The following OR8B3 variants were observed in gnomAD, a reference collection of about 807,000 sequenced individuals.
OR8B3 encodes the protein olfactory receptor 8B3.
For missense variants in OR8B3, 278 were observed against 377.6 expected, an observed-to-expected ratio of 0.74 and a Z score of 2.19; for synonymous variants, 102 against 135.4, an observed-to-expected ratio of 0.75 and a Z score of 1.71.
the OR8B3 span, among the ~76,000 whole-genome samples, chr11:124,409,088 G>A: frequency 1.3e-5 from 2 of 150,226 alleles, no homozygotes; most frequent in African/African-American, 2.4e-5. Flanking sequence ...GTAGGGGCTC[G>A]CCTGCCCTGC....
chr11:124,406,669 G>A, the OR8B3 span, among the ~76,000 whole-genome samples: 1 of 151,842 alleles, frequency 6.6e-6, no homozygotes, highest in African/African-American at 2.4e-5. Flanking sequence ...ATCTTGCTCT[G>A]GTCTTTCCTC....
rs765672142 is a variant in OR8B3 at position 124,397,030 on chromosome 11, C to T, written c.322G>A (p.Val108Ile). The T allele has an allele frequency of 1.9e-6, 3 of 1,613,504 alleles. No individual in the cohort carries two copies. Among genetic ancestry groups the T allele is most frequent in the African/African-American group, 2.7e-5 (2 of 74,822 alleles). The stretch of plus-strand genomic sequence containing the variant: ...GTCAACATGTAACATTCAGAGATGA[C>T]AAAAAAGAGAAAGAAAAACAGCTGA... ...MTQLFFFLFF[V>I]ISECYMLTSM... Residue 108 changes from valine to isoleucine, a missense_variant, in exon 2 of 2, where the codon GTC becomes ATC. Coordinates refer to ENST00000641139, the MANE Select transcript of OR8B3 (RefSeq NM_001005467.2).
At chr11:124,403,537 C>A (rs1200529191), upstream of OR8B3, among the ~76,000 whole-genome samples, 1 of 151,136 alleles carries the variant, frequency 6.6e-6, no homozygotes, top group Non-Finnish European at 1.5e-5. Flanking sequence ...AGAGGCGCTC[C>A]CCACATCTCA....
Position 124,396,546 on chromosome 11 carries a change from T to C in OR8B3, c.806A>G (p.Gln269Arg), listed in dbSNP as rs750582841. The C allele has an allele frequency of 1.2e-6, 2 of 1,613,856 alleles. No homozygotes were observed. Among genetic ancestry groups the C allele is most frequent in the East Asian group, 4.5e-5 (2 of 44,874 alleles). The change falls in exon 2 of 2, where the codon CAG becomes CGG. Residue 269 changes from glutamine to arginine, a missense_variant. Transcript: ENST00000641139. ...GTAGAAAACAGAAGAAACTTTTCCC[T>C]GCTCCATAGATCCAGAAGAATATTT... The part of the protein sequence containing the change: ...YIKYSSGSME[Q>R]GKVSSVFYTN...
chr11:124,403,922 C>T (rs1861041817), upstream of OR8B3, among the ~76,000 whole-genome samples: 1 of 152,186 alleles, frequency 6.6e-6, no homozygotes, highest in Non-Finnish European at 1.5e-5. Flanking sequence ...ACCAGCCCGG[C>T]CAACACAGCG....
chr11:124,405,418 C>T, the OR8B3 span, among the ~76,000 whole-genome samples: 1 of 152,064 alleles, frequency 6.6e-6, no homozygotes, highest in Non-Finnish European at 1.5e-5. Context: ...GAGTATTCCC[C>T]TAGAATCTTT....
upstream of OR8B3, among the ~76,000 whole-genome samples, chr11:124,402,643 A>G (rs563250588): frequency 2.0e-5 from 3 of 152,292 alleles, no homozygotes; most frequent in Admixed American, 2.0e-4. Flanking sequence ...AAGTTTTTTA[A>G]AGATGTGCTC....
Position 124,396,238 on chromosome 11 carries a change from G to T in OR8B3, c.*172C>A. 1.6e-6 allele frequency: 1 copy of T among 619,434 alleles called. No homozygotes were observed. Among genetic ancestry groups the T allele is most frequent in the Non-Finnish European group, 2.7e-6 (1 of 367,070 alleles). 38.4% of individuals were successfully genotyped at this position (619,434 alleles called of 1,614,324 possible). ...CCTATTTAGTAAAATTGTGAGAAGT[G>T]CCAGAGATGCAAAACCAAAAAAAGA... On this transcript the variant is annotated 3_prime_UTR_variant, in exon 2 of 2. Transcript: ENST00000641139.
upstream of OR8B3, among the ~76,000 whole-genome samples, chr11:124,399,221 A>G (rs1301866515): frequency 8.5e-5 from 13 of 152,204 alleles, no homozygotes; most frequent in Admixed American, 6.5e-5. Context: ...GCTAATTATA[A>G]TCCTAGGTAG....
chr11:124,398,098 C>G (rs1003801774), intron 1 of OR8B3, among the ~76,000 whole-genome samples: 10 of 152,190 alleles, frequency 6.6e-5, no homozygotes, highest in Admixed American at 6.5e-4. Context: ...GAGACCATAC[C>G]GATATTCTGT....
chr11:124,400,984 C>G (rs1366617878), upstream of OR8B3, among the ~76,000 whole-genome samples: 1 of 152,096 alleles, frequency 6.6e-6, no homozygotes, highest in Non-Finnish European at 1.5e-5. Context: ...AGGCTTTGTG[C>G]TAGAAATAGC....
At chr11:124,405,411 T>C in the OR8B3 span, among the ~76,000 whole-genome samples, 1 of 152,164 alleles carries the variant, frequency 6.6e-6, no homozygotes. Flanking sequence ...GTCTCCAGAG[T>C]ATTCCCCTAG....
At chr11:124,409,049 C>T in the OR8B3 span, among the ~76,000 whole-genome samples, 3 of 152,140 alleles carry the variant, frequency 2.0e-5, no homozygotes, top group Non-Finnish European at 2.9e-5. Context: ...CTGAGAGAAG[C>T]CAAGAATTCT....
chr11:124,403,486 G>T (rs1452406914), upstream of OR8B3, among the ~76,000 whole-genome samples: 1 of 151,826 alleles, frequency 6.6e-6, no homozygotes, highest in Non-Finnish European at 1.5e-5. Flanking sequence ...GGTCGCGGCC[G>T]GGCAGAGGCG....
chr11:124,398,373 G>T (rs1198273454), intron 1 of OR8B3, among the ~76,000 whole-genome samples: 1 of 152,296 alleles, frequency 6.6e-6, no homozygotes, highest in African/African-American at 2.4e-5. Context: ...TAGTTGTTAA[G>T]TTTGTAAAAT....
upstream of OR8B3, among the ~76,000 whole-genome samples, chr11:124,400,758 G>A (rs488517): frequency 4.6e-5 from 7 of 151,704 alleles, no homozygotes; most frequent in East Asian, 1.2e-3. Context: ...GGCTGGTCTC[G>A]AACTCCTGGG....
chr11:124,395,757 C>T lies in OR8B3; in HGVS notation c.*653G>A, dbSNP rs1860852823. ...TCTAATCATCCTCTGTAAATGCTGC[C>T]TTTGGCAATAAAAGGTGGAGACACA... On this transcript the variant is annotated 3_prime_UTR_variant, in exon 2 of 2. Transcript: ENST00000641139. 1.3e-5 allele frequency: 2 copies of T among 152,282 alleles called. No homozygotes were observed. Among genetic ancestry groups the T allele is most frequent in the African/African-American group, 4.8e-5 (2 of 41,558 alleles). 9.4% of individuals were successfully genotyped at this position (152,282 alleles called of 1,614,324 possible).
the OR8B3 span, among the ~76,000 whole-genome samples, chr11:124,408,966 C>G: frequency 6.6e-6 from 1 of 152,220 alleles, no homozygotes; most frequent in African/African-American, 2.4e-5. Flanking sequence ...AGCAGTACCT[C>G]TGCTGCTGCC....
In OR8B3 at chr11:124,396,655, C is replaced by T. The variant is rs1380785738; in HGVS notation, c.697G>A (p.Gly233Arg). Residue 233 changes from glycine to arginine, a missense_variant, in exon 2 of 2, where the codon GGA becomes AGA. Physicochemically the swap from Gly to Arg is moderately radical, Grantham distance 125. Coordinates refer to ENST00000641139, the MANE Select transcript of OR8B3 (RefSeq NM_001005467.2). The stretch of plus-strand genomic sequence containing the variant: ...CAAGTACTGAAGGCTTTTGATCTTC[C>T]TTGAGTGGATTTGATATGAAGAATG... ...TSILHIKSTQGRSKAFSTCSS... is the reference protein window; with the variant it reads ...TSILHIKSTQRRSKAFSTCSS... 1 of 1,611,702 alleles carries T rather than the reference C, an allele frequency of 6.2e-7. No individual in the cohort carries two copies.
Sources: allele counts gnomAD v4.1 joint callset (sites outside exome capture counted in the v4.1 genomes callset), GRCh38; gene constraint gnomAD v4.1.1; transcripts MANE v1.5; gene names NCBI Gene and HGNC (gene_info 2026-07-23, HGNC 2026-07-21).